Variants in KDM5B observed in about 807,000 individuals in gnomAD.
KDM5B encodes lysine demethylase 5B, also known as lysine-specific demethylase 5B.
Under a neutral mutation model 193.4 loss-of-function variants are expected in KDM5B, and 144 were observed. That is an observed-to-expected ratio of 0.74 (90% CI 0.65 to 0.86). The LOEUF is 0.86. Among genes scored for constraint, KDM5B ranks in the 40% least tolerant of loss-of-function variants. The pLI is 0.00. For missense variants in KDM5B, 1,833 were observed against 1,886.9 expected, an observed-to-expected ratio of 0.97 and a Z score of 0.53; for synonymous variants, 668 against 682.6, an observed-to-expected ratio of 0.98 and a Z score of 0.33.
chr1:202,759,141 C>T (rs74136905), intron 8 of KDM5B, among the ~76,000 whole-genome samples: 1 of 152,282 alleles, frequency 6.6e-6, no homozygotes, highest in African/African-American at 2.4e-5. Context: ...CGTGGAAAAG[C>T]ACTCAAACCT....
intron 10 of KDM5B, among the ~76,000 whole-genome samples, chr1:202,756,071 A>G (rs1218690049): frequency 2.0e-5 from 3 of 152,122 alleles, no homozygotes; most frequent in South Asian, 2.1e-4. Flanking sequence ...CAAAAATATT[A>G]AAGTTTGAAA....
chr1:202,739,418 C>T (rs138205083), intron 20 of KDM5B, among the ~76,000 whole-genome samples: 1 of 151,252 alleles, frequency 6.6e-6, no homozygotes. Flanking sequence ...ACGTATTATT[C>T]TTCACAACTT....
At chr1:202,775,293 T>C (rs1656894342) in intron 2 of KDM5B, among the ~76,000 whole-genome samples, 1 of 151,800 alleles carries the variant, frequency 6.6e-6, no homozygotes, top group East Asian at 1.9e-4. Flanking sequence ...ATCCCAGCAC[T>C]TTGGGAGGCC....
At chr1:202,791,408 C>A (rs1657636059) in intron 1 of KDM5B, among the ~76,000 whole-genome samples, 1 of 152,188 alleles carries the variant, frequency 6.6e-6, no homozygotes, top group Non-Finnish European at 1.5e-5. Flanking sequence ...GAAATACTAA[C>A]AATGAACTTA....
At chr1:202,762,607 T>C in intron 7 of KDM5B, 92 bp downstream of exon 7, 1 of 742,946 alleles carries the variant, frequency 1.3e-6, no homozygotes, top group Non-Finnish European at 2.4e-6. Context: ...AAGGTACAAA[T>C]TTAAGTTTAA....
chr1:202,797,744 T>G (rs117135006), intron 1 of KDM5B, among the ~76,000 whole-genome samples: 2 of 152,366 alleles, frequency 1.3e-5, no homozygotes, highest in South Asian at 2.1e-4. Flanking sequence ...TAGGGGAAAT[T>G]TAAATCACTG....
intron 1 of KDM5B, among the ~76,000 whole-genome samples, chr1:202,786,575 C>T (rs1208762033): frequency 6.6e-6 from 1 of 152,090 alleles, no homozygotes; most frequent in Non-Finnish European, 1.5e-5. Context: ...AGCAAAAATG[C>T]AAAAATGGCA....
intron 9 of KDM5B, among the ~76,000 whole-genome samples, chr1:202,757,157 A>G (rs770112699): frequency 6.6e-6 from 1 of 152,182 alleles, no homozygotes; most frequent in Non-Finnish European, 1.5e-5. Flanking sequence ...TAGGCAGTTC[A>G]CAATAGGGTT....
intron 1 of KDM5B, chr1:202,796,209 C>T (rs1045871625): frequency 1.8e-5 from 5 of 280,706 alleles, no homozygotes; most frequent in Admixed American, 1.4e-4. Flanking sequence ...CAGAGCCTCT[C>T]TTATGCCAAG....
intron 1 of KDM5B, among the ~76,000 whole-genome samples, chr1:202,805,220 TACATA>T (rs1478202403): frequency 6.6e-6 from 1 of 152,258 alleles, no homozygotes; most frequent in Non-Finnish European, 1.5e-5. Flanking sequence ...CTGGTTATCC[TACATA>T]GTTGATATAA....
Position 202,808,360 on chromosome 1 carries a change from A to T in KDM5B, c.-55T>A. The T allele has an allele frequency of 6.8e-7, 1 of 1,470,760 alleles. No individual in the cohort carries two copies. The highest frequency in any genetic ancestry group is 9.0e-7 in the Non-Finnish European group (1 of 1,108,072). 91.1% of individuals were successfully genotyped at this position (1,470,760 alleles called of 1,614,324 possible). A position where few individuals can be genotyped will look rare whatever the true frequency, so the allele number is the denominator to read the frequency against. On this transcript the variant is annotated 5_prime_UTR_variant, in exon 1 of 27. Transcript: ENST00000367265. ...GGTGGGCTCCGGGACCGAGGCTGCG[A>T]GCTCCGCTCGGTCCGAGACCCGTGC...
chr1:202,803,045 A>G (rs921536166), intron 1 of KDM5B, among the ~76,000 whole-genome samples: 1 of 151,926 alleles, frequency 6.6e-6, no homozygotes, highest in African/African-American at 2.4e-5. Flanking sequence ...CCGCATCCCT[A>G]CAATTTATTA....
chr1:202,762,779 C>T lies in KDM5B; in HGVS notation c.838G>A (p.Glu280Lys). 2 of 1,608,802 alleles carry T rather than the reference C, an allele frequency of 1.2e-6. No individual in the cohort carries two copies. Among genetic ancestry groups the T allele is most frequent in the Non-Finnish European group, 1.7e-6 (2 of 1,175,244 alleles). Residue 280 changes from glutamate (E) to lysine (K), a missense_variant, in exon 7 of 27, where the codon GAA becomes AAA. Coordinates refer to ENST00000367265, the MANE Select transcript of KDM5B (RefSeq NM_006618.5). ...EKEMKSSIKQ[E>K]PIERKDYIVE... ...ATATAATCTTTCCTCTCAATAGGTT[C>T]TTGCTTGATGCTACTCTTCATTTCT...
intron 24 of KDM5B, among the ~76,000 whole-genome samples, chr1:202,731,282 A>C (rs1654874989): frequency 1.3e-5 from 2 of 152,252 alleles, no homozygotes; most frequent in South Asian, 4.1e-4. Context: ...TCTGATTACT[A>C]GTATTAATTA....
At chr1:202,781,293 C>G (rs574875535) in intron 1 of KDM5B, among the ~76,000 whole-genome samples, 2 of 152,260 alleles carry the variant, frequency 1.3e-5, no homozygotes, top group Admixed American at 1.3e-4. Context: ...GAGCACGAAC[C>G]TAGCTCTAAA....
intron 1 of KDM5B, among the ~76,000 whole-genome samples, chr1:202,782,490 G>A (rs1471916397): frequency 6.6e-6 from 1 of 152,092 alleles, no homozygotes; most frequent in Non-Finnish European, 1.5e-5. Flanking sequence ...GTGAGGCATG[G>A]CAGAAGCCAA....
rs1469278638 is a variant in KDM5B, at chr1:202,741,719, G to A, written c.2593C>T (p.Leu865Phe). The A allele has an allele frequency of 3.8e-6, 6 of 1,572,056 alleles. No individual in the cohort carries two copies. In the African/African-American group the frequency reaches 4.1e-5, roughly 11 times the overall value. ...VLSQTPLLKD[L>F]LNRVEDFQQH... ...TGAAAATCTTCTACACGATTCAAGA[G>A]ATCCTAAAAAAAAATACACAGGTTG... The change falls in exon 19 of 27, where the codon CTC becomes TTC. Residue 865 changes from leucine (L) to phenylalanine (F), a missense_variant. Leu to Phe is a conservative substitution (Grantham distance 22, BLOSUM62 0). This residue lies in a region of KDM5B where 1,379 missense variants were observed against 1,349.6 expected (regional missense o/e 1.02). Coordinates refer to ENST00000367265, the MANE Select transcript of KDM5B (RefSeq NM_006618.5).
chr1:202,734,490 C>T (rs193259641), intron 22 of KDM5B, among the ~76,000 whole-genome samples: 1 of 152,154 alleles, frequency 6.6e-6, no homozygotes, highest in African/African-American at 2.4e-5. Context: ...CATAAATTAA[C>T]AGATAATACG....
At chr1:202,759,505 C>T (rs886864811) in intron 8 of KDM5B, among the ~76,000 whole-genome samples, 1 of 149,438 alleles carries the variant, frequency 6.7e-6, no homozygotes, top group Non-Finnish European at 1.5e-5. Flanking sequence ...CACGCCACTG[C>T]ACTCCACTGT....
Sources: allele counts gnomAD v4.1 joint callset (sites outside exome capture counted in the v4.1 genomes callset), GRCh38; gene constraint gnomAD v4.1.1; regional missense constraint gnomAD v4.1.1; transcripts MANE v1.5; gene names NCBI Gene and HGNC (gene_info 2026-07-23, HGNC 2026-07-21).